The following ITPRID1 variants were observed in gnomAD, a reference collection of about 807,000 sequenced individuals.
The protein encoded by ITPRID1 is ITPR interacting domain containing 1, also known as protein ITPRID1.
Under a neutral mutation model 95.4 loss-of-function variants are expected in ITPRID1, and 96 were observed. That is an observed-to-expected ratio of 1.01 (90% CI 0.85 to 1.19). ITPRID1 has a LOEUF of 1.19. ITPRID1 is among the 50% of genes most tolerant of loss of function. The pLI is 0.00. For synonymous variants in ITPRID1, 510 were observed against 453.6 expected (o/e 1.12, Z -1.58); for missense variants, 1,339 against 1,252.9 (o/e 1.07, Z -1.04).
chr7:31,639,538 G>T (rs11496026), intron 10 of ITPRID1, among the ~76,000 whole-genome samples: 118,215 of 142,630 alleles, frequency 0.83, 48,952 homozygotes, highest in African/African-American at 0.93. Context: ...GTTTGTTTTT[G>T]TTTTTTTTTT....
chr7:31,586,748 T>A (rs1785629864), intron 10 of ITPRID1, among the ~76,000 whole-genome samples: 1 of 152,030 alleles, frequency 6.6e-6, no homozygotes, highest in African/African-American at 2.4e-5. Context: ...TAGCCCTTTG[T>A]CAGATGAGTA....
chr7:31,583,222 C>T, intron 10 of ITPRID1, 31 bp downstream of exon 10: 2 of 1,463,520 alleles, frequency 1.4e-6, no homozygotes, highest in Non-Finnish European at 9.5e-7. Flanking sequence ...GTGATCTCAT[C>T]AATGGTCTTT....
intron 1 of ITPRID1, among the ~76,000 whole-genome samples, chr7:31,532,648 T>G (rs1783635453): frequency 6.6e-6 from 1 of 152,208 alleles, no homozygotes; most frequent in Non-Finnish European, 1.5e-5. Flanking sequence ...ATGAATTTTG[T>G]TCATTGATTT....
chr7:31,626,850 A>AT (rs1788512399), intron 10 of ITPRID1, among the ~76,000 whole-genome samples: 1 of 152,230 alleles, frequency 6.6e-6, no homozygotes, highest in Non-Finnish European at 1.5e-5. Context: ...TATCTAGCAC[A>AT]TTGCCTAACA....
intron 1 of ITPRID1, among the ~76,000 whole-genome samples, chr7:31,526,910 A>G (rs920114468): frequency 5.3e-5 from 8 of 152,160 alleles, no homozygotes; most frequent in African/African-American, 1.9e-4. Flanking sequence ...TTCAGAATGA[A>G]AGTCTGATCA....
chr7:31,604,039 C>T (rs115851090), intron 10 of ITPRID1, among the ~76,000 whole-genome samples: 236 of 152,258 alleles, frequency 1.5e-3, no homozygotes, highest in African/African-American at 5.5e-3. Flanking sequence ...GTATACAAAA[C>T]ATATGTACCT....
chr7:31,569,131 T>G (rs1020523289), intron 5 of ITPRID1, among the ~76,000 whole-genome samples: 1 of 152,230 alleles, frequency 6.6e-6, no homozygotes, highest in Admixed American at 6.5e-5. Flanking sequence ...TACTTTTGAC[T>G]GTATGACTAT....
At position 31,643,049 on chromosome 7, in the gene ITPRID1, C is replaced by A. The variant is rs777448799; in HGVS notation, c.1679C>A (p.Ser560Tyr). The A allele has an allele frequency of 2.5e-6, 4 of 1,613,964 alleles. No individual in the cohort carries two copies. Among genetic ancestry groups the A allele is most frequent in the South Asian group, 2.2e-5 (2 of 91,080 alleles). Residue 560 changes from serine (S) to tyrosine (Y), a missense_variant, in exon 12 of 15, where the codon TCC (serine) becomes TAC (tyrosine). Ser to Tyr is a moderately radical substitution (Grantham distance 144, BLOSUM62 -2). Transcript: ENST00000615280. ...GAGGTCACCAGACCCACAGCCACTT[C>A]CAAATATGATCATCCTCTGGGGTTT... ...EYEVTRPTAT[S>Y]KYDHPLGFMV...
At chr7:31,560,723 G>C (rs1784595791) in intron 5 of ITPRID1, among the ~76,000 whole-genome samples, 1 of 152,116 alleles carries the variant, frequency 6.6e-6, no homozygotes, top group Non-Finnish European at 1.5e-5. Context: ...AGAAGGATAG[G>C]GCTTTGCTTC....
intron 10 of ITPRID1, among the ~76,000 whole-genome samples, chr7:31,611,886 T>C (rs1052513376): frequency 1.3e-5 from 2 of 152,058 alleles, no homozygotes; most frequent in African/African-American, 4.8e-5. Context: ...CTGTACATTG[T>C]TTCTCATCAA....
chr7:31,519,373 T>G (rs2128126336), intron 1 of ITPRID1, among the ~76,000 whole-genome samples: 1 of 152,168 alleles, frequency 6.6e-6, no homozygotes, highest in African/African-American at 2.4e-5. Flanking sequence ...TTGTATTAAC[T>G]TCTTGTTATT....
At chr7:31,519,620 C>CTCTATATATATATATATATATATA in intron 1 of ITPRID1, among the ~76,000 whole-genome samples, 5 of 25,264 alleles carry the variant, frequency 2.0e-4, no homozygotes, top group South Asian at 2.1e-3. Flanking sequence ...CTCTCTCTCT[C>CTCTATATATATATATATATATATA]TATATATATA....
intron 10 of ITPRID1, among the ~76,000 whole-genome samples, chr7:31,638,160 T>G (rs1789666908): frequency 6.6e-6 from 1 of 152,200 alleles, no homozygotes. Context: ...TCATCATGAA[T>G]TTTGTACCCA....
chr7:31,536,300 C>T (rs1409206841), intron 1 of ITPRID1, among the ~76,000 whole-genome samples: 1 of 152,112 alleles, frequency 6.6e-6, no homozygotes, highest in African/African-American at 2.4e-5. Flanking sequence ...CATTATTTTT[C>T]ATGTCTTGCA....
intron 10 of ITPRID1, among the ~76,000 whole-genome samples, chr7:31,615,730 G>C (rs185911301): frequency 1.7e-3 from 253 of 149,472 alleles, no homozygotes; most frequent in Non-Finnish European, 2.7e-3. Context: ...TACCAGTAGC[G>C]TGTTAGAGTT....
chr7:31,626,587 C>G (rs1788486594), intron 10 of ITPRID1, among the ~76,000 whole-genome samples: 1 of 152,122 alleles, frequency 6.6e-6, no homozygotes, highest in South Asian at 2.1e-4. Flanking sequence ...TTCAGAATTT[C>G]TCTTCTGAAT....
chr7:31,566,733 T>C (rs748752537), intron 5 of ITPRID1, among the ~76,000 whole-genome samples: 20 of 152,228 alleles, frequency 1.3e-4, no homozygotes, highest in African/African-American at 2.4e-5. Flanking sequence ...ACATGATTAA[T>C]AAGGTGGCAA....
chr7:31,616,412 C>CCTGT (rs200465182), intron 10 of ITPRID1, among the ~76,000 whole-genome samples: 2,076 of 53,498 alleles, frequency 0.039, 22 homozygotes, highest in South Asian at 0.097. Context: ...ATCCCTACCA[C>CCTGT]CTGTCTTAGG....
intron 5 of ITPRID1, among the ~76,000 whole-genome samples, chr7:31,561,178 A>G (rs1487727317): frequency 6.6e-6 from 1 of 152,204 alleles, no homozygotes; most frequent in East Asian, 1.9e-4. Context: ...ATAGTAGAAG[A>G]ATTGGAGACA....
Sources: allele counts gnomAD v4.1 joint callset (sites outside exome capture counted in the v4.1 genomes callset), GRCh38; gene constraint gnomAD v4.1.1; transcripts MANE v1.5; gene names NCBI Gene and HGNC (gene_info 2026-07-23, HGNC 2026-07-21).